The following ALK variants were observed in gnomAD, a reference collection of about 807,000 sequenced individuals.
ALK encodes the protein ALK receptor tyrosine kinase, also known as ALK tyrosine kinase receptor.
ALK carries 74 observed loss-of-function variants against 163.1 expected under a neutral mutation model. The ratio of observed to expected loss-of-function variants is 0.45; its 90% CI spans 0.38 to 0.55. The LOEUF (loss-of-function observed/expected upper bound fraction) is 0.55, where lower values mean the gene tolerates loss of function less well. Among genes scored for constraint, ALK ranks in the 20% least tolerant of loss-of-function variants. The probability of loss-of-function intolerance (pLI) is 0.00; values close to 1 mark genes in which losing one functional copy is unlikely to be tolerated. For missense variants in ALK, 2,063 were observed against 2,105.3 expected, an observed-to-expected ratio of 0.98 and a Z score of 0.39; for synonymous variants, 960 against 843.2, an observed-to-expected ratio of 1.14 and a Z score of -2.40.
In ALK at chr2:29,695,210, A is replaced by G. The variant is rs1245997494; in HGVS notation, c.788-196T>C. On this transcript the variant is annotated intron_variant, in intron 2 of 28. Transcript: ENST00000389048. ...AGAGAATAAAATGTGCTCTTTCTGT[A>G]ACTCATATTACGGGAGATGTTCTCA... is the stretch of plus-strand genomic sequence containing the variant. 2.6e-5 allele frequency among the ~76,000 whole-genome samples: 4 copies of G among 152,332 alleles called. No individual in the cohort carries two copies. In the East Asian group the frequency reaches 7.7e-4, roughly 29 times the overall value.
intron 3 of ALK, among the ~76,000 whole-genome samples, chr2:29,590,659 G>A (rs1451077129): frequency 6.6e-6 from 1 of 151,982 alleles, no homozygotes; most frequent in African/African-American, 2.4e-5. Flanking sequence ...CCCATTACCC[G>A]TGATGTTTCC....
intron 9 of ALK, among the ~76,000 whole-genome samples, chr2:29,278,998 G>A (rs1051728745): frequency 4.6e-5 from 7 of 152,148 alleles, no homozygotes; most frequent in East Asian, 1.9e-4. Flanking sequence ...GGACAGAATC[G>A]CGGCTATCCT....
At chr2:29,884,967 C>G (rs879923618) in intron 1 of ALK, among the ~76,000 whole-genome samples, 3 of 152,168 alleles carry the variant, frequency 2.0e-5, no homozygotes, top group African/African-American at 4.8e-5. Context: ...TAGGCTAACT[C>G]TACCATTTTG....
intron 16 of ALK, among the ~76,000 whole-genome samples, chr2:29,228,503 G>A (rs1174646601): frequency 6.6e-6 from 1 of 152,162 alleles, no homozygotes; most frequent in Non-Finnish European, 1.5e-5. Context: ...GGGAGCAGGA[G>A]TAAGGAGTCC....
intron 4 of ALK, among the ~76,000 whole-genome samples, chr2:29,392,424 G>A (rs975482170): frequency 7.9e-5 from 12 of 152,186 alleles, no homozygotes; most frequent in African/African-American, 2.9e-4. Context: ...CTTTTGGTGG[G>A]TCAGAGGTGG....
chr2:29,680,667 G>A (rs867184700), intron 3 of ALK, among the ~76,000 whole-genome samples: 1 of 151,958 alleles, frequency 6.6e-6, no homozygotes, highest in South Asian at 2.1e-4. Context: ...TACTTTTAAG[G>A]TTTTATTTTC....
chr2:29,728,045 A>T (rs969045612), intron 1 of ALK, among the ~76,000 whole-genome samples: 1 of 152,214 alleles, frequency 6.6e-6, no homozygotes, highest in Non-Finnish European at 1.5e-5. Context: ...GTAGCAAAGA[A>T]AGGAGGAGGG....
intron 1 of ALK, among the ~76,000 whole-genome samples, chr2:29,917,792 C>G (rs1039691635): frequency 3.3e-5 from 5 of 152,230 alleles, no homozygotes; most frequent in African/African-American, 1.2e-4. Context: ...CACTTAGTGT[C>G]TTATTTGATC....
intron 23 of ALK, among the ~76,000 whole-genome samples, chr2:29,216,882 ATG>A (rs2148162441): frequency 7.4e-6 from 1 of 134,804 alleles, no homozygotes; most frequent in African/African-American, 2.9e-5. Context: ...TGTGCGTGGC[ATG>A]TGTGATTGGT....
In ALK at chr2:29,854,858, G is replaced by A. The variant is rs150533311; in HGVS notation, c.667+65135C>T. Among the ~76,000 whole-genome samples the A allele has an allele frequency of 8.7e-3, 1,331 of 152,124 alleles. 17 individuals carry two copies. The highest frequency in any genetic ancestry group is 0.03 in the African/African-American group (1,229 of 41,508). On this transcript the variant is annotated intron_variant, in intron 1 of 28. Transcript: ENST00000389048. ...TACCAATATAAATTCATTGATGTGC[G>A]TGCATACTTTCTTTTGTAGTTAAAT...
intron 3 of ALK, among the ~76,000 whole-genome samples, chr2:29,679,344 G>T (rs1677992094): frequency 1.3e-5 from 2 of 151,396 alleles, no homozygotes; most frequent in South Asian, 4.2e-4. Context: ...TAGTTCCTCT[G>T]TATCTTTCTT....
intron 11 of ALK, among the ~76,000 whole-genome samples, chr2:29,266,932 T>A (rs559531698): frequency 3.3e-5 from 5 of 152,356 alleles, no homozygotes; most frequent in African/African-American, 1.2e-4. Flanking sequence ...CTCAGTGGTC[T>A]CCAGCTTCTG....
At chr2:29,650,940 A>G (rs1308001437) in intron 3 of ALK, among the ~76,000 whole-genome samples, 1 of 152,156 alleles carries the variant, frequency 6.6e-6, no homozygotes, top group Non-Finnish European at 1.5e-5. Flanking sequence ...TCATGCGATA[A>G]TTCAATTGGA....
intron 9 of ALK, among the ~76,000 whole-genome samples, chr2:29,291,096 C>T (rs1275188616): frequency 2.6e-5 from 4 of 152,196 alleles, no homozygotes; most frequent in Admixed American, 2.6e-4. Context: ...GGTGCGATGG[C>T]TCCTGCCTGT....
intron 3 of ALK, among the ~76,000 whole-genome samples, chr2:29,668,021 G>T (rs1677570231): frequency 6.6e-6 from 1 of 151,986 alleles, no homozygotes; most frequent in Non-Finnish European, 1.5e-5. Flanking sequence ...TTGGTAGATT[G>T]TATGTGTCCA....
chr2:29,231,250 A>T (rs1458479666), intron 15 of ALK, among the ~76,000 whole-genome samples: 1 of 152,226 alleles, frequency 6.6e-6, no homozygotes, highest in Non-Finnish European at 1.5e-5. Flanking sequence ...AGGCAGGAGA[A>T]TCGCTTGAAC....
chr2:29,319,162 C>A (rs1666928707), intron 7 of ALK: 1 of 152,292 alleles, frequency 6.6e-6, no homozygotes, highest in Non-Finnish European at 1.5e-5. Context: ...AGAACAGGGG[C>A]TCCCATCCAC....
In ALK at chr2:29,795,211, A is replaced by C. The variant is rs148930249; in HGVS notation, c.668-77514T>G. On this transcript the variant is annotated intron_variant, in intron 1 of 28. Transcript: ENST00000389048. Reference sequence around the variant, plus strand: ...ACACACACACACACGCAAAGAGCTAACAAATATGAAAAGTTGTTCAGCCTC... The same window carrying C: ...ACACACACACACACGCAAAGAGCTACCAAATATGAAAAGTTGTTCAGCCTC... Among the ~76,000 whole-genome samples the C allele has an allele frequency of 3.2e-4, 49 of 152,194 alleles. 1 individual carries two copies. In the East Asian group the frequency reaches 9.4e-3, roughly 29 times the overall value.
At position 29,203,485 on chromosome 2, in the gene ALK, C is replaced by CTT. The variant is rs1156462365; in HGVS notation, c.3938+3684_3938+3685dup. On this transcript the variant is annotated intron_variant, in intron 26 of 28. Coordinates refer to ENST00000389048, the MANE Select transcript of ALK (RefSeq NM_004304.5). ...TATCACCATTGGCCTGAGGATGTGC[C>CTT]TTTTTTTTTTTTTTTTTTTTTTTTT... is the stretch of plus-strand genomic sequence containing the variant. Among the ~76,000 whole-genome samples the CTT allele has an allele frequency of 2.3e-3, 76 of 32,528 alleles. 27 individuals are homozygous for CTT. The highest frequency in any genetic ancestry group is 3.4e-3 in the Non-Finnish European group (65 of 19,366). 21.3% of individuals were successfully genotyped at this position (32,528 alleles called of 152,430 possible).
Sources: allele counts gnomAD v4.1 joint callset (sites outside exome capture counted in the v4.1 genomes callset), GRCh38; gene constraint gnomAD v4.1.1; transcripts MANE v1.5; gene names NCBI Gene and HGNC (gene_info 2026-07-23, HGNC 2026-07-21).